The following DNAH8 variants were observed in gnomAD, a reference collection of about 807,000 sequenced individuals.
The protein encoded by DNAH8 is dynein axonemal heavy chain 8.
Under a neutral mutation model 562.1 loss-of-function variants are expected in DNAH8, and 382 were observed. That is an observed-to-expected ratio of 0.68 (90% CI 0.63 to 0.74). DNAH8 has a LOEUF of 0.74. Ranked by LOEUF, DNAH8 falls within the 30% of genes least tolerant of loss-of-function variation. The pLI, the probability that DNAH8 is intolerant of heterozygous loss-of-function variation, is 0.00. For missense variants in DNAH8, 5,203 were observed against 5,620.4 expected (o/e 0.93, Z 2.37); for synonymous variants, 1,881 against 1,919.4 (o/e 0.98, Z 0.52).
chr6:38,870,637 ATAGT>A (rs779607439), intron 49 of DNAH8, 75 bp downstream of exon 49: 203 of 1,385,052 alleles, frequency 1.5e-4, no homozygotes, highest in Non-Finnish European at 1.9e-4. Flanking sequence ...AGAAAAACTC[ATAGT>A]TAGTCTTACT....
chr6:38,731,261 T>C (rs1631117), intron 4 of DNAH8, among the ~76,000 whole-genome samples: 143,073 of 152,308 alleles, frequency 0.94, 67,254 homozygotes, highest in East Asian at 1. Flanking sequence ...AAAATACAGT[T>C]CCACTCAGTT....
intron 88 of DNAH8, among the ~76,000 whole-genome samples, chr6:39,008,536 AG>A (rs538607675): frequency 4.8e-4 from 73 of 152,260 alleles, no homozygotes; most frequent in African/African-American, 1.7e-3. Flanking sequence ...AAGATGGTGA[AG>A]AAGCGATTTG....
chr6:38,963,253 CTTTTTTTTTTTTTT>C (rs57083753), intron 82 of DNAH8, among the ~76,000 whole-genome samples: 1 of 102,614 alleles, frequency 9.7e-6, no homozygotes, highest in East Asian at 3.2e-4. Flanking sequence ...AGTCCTTTTT[CTTTTTTTTTTTTTT>C]TTTTTTTTTT....
chr6:38,771,657 T>A (rs1190637086), intron 12 of DNAH8, among the ~76,000 whole-genome samples: 1 of 152,228 alleles, frequency 6.6e-6, no homozygotes, highest in Non-Finnish European at 1.5e-5. Flanking sequence ...TGTGGTCTTT[T>A]GTGGCTACTT....
At chr6:39,002,415 A>G (rs1765548887) in intron 88 of DNAH8, among the ~76,000 whole-genome samples, 1 of 152,196 alleles carries the variant, frequency 6.6e-6, no homozygotes, top group South Asian at 2.1e-4. Flanking sequence ...TTGTTGTCTC[A>G]TCAGCTATTT....
chr6:38,960,020 T>A (rs1762504538), intron 82 of DNAH8, among the ~76,000 whole-genome samples: 1 of 151,938 alleles, frequency 6.6e-6, no homozygotes, highest in African/African-American at 2.4e-5. Context: ...TGAGGAAAGA[T>A]CAATCTTTTC....
At chr6:39,030,066 A>T (rs771088185) in intron 92 of DNAH8, 39 bp from the exon 93 acceptor site, 23 of 1,551,946 alleles carry the variant, frequency 1.5e-5, no homozygotes, top group Middle Eastern at 3.4e-4. Context: ...CACCTAGTTT[A>T]AAAAATAAAT....
At chr6:38,789,001 A>G (rs1769446958) in intron 18 of DNAH8, among the ~76,000 whole-genome samples, 1 of 152,170 alleles carries the variant, frequency 6.6e-6, no homozygotes, top group Non-Finnish European at 1.5e-5. Flanking sequence ...GCCATGCATG[A>G]GCTTTTTTAC....
At chr6:38,732,538 C>G (rs1238702568) in intron 4 of DNAH8, among the ~76,000 whole-genome samples, 1 of 152,136 alleles carries the variant, frequency 6.6e-6, no homozygotes, top group African/African-American at 2.4e-5. Flanking sequence ...GAGTGGAAAG[C>G]AGTGTTTCGG....
intron 53 of DNAH8, among the ~76,000 whole-genome samples, chr6:38,877,903 A>G (rs1778153135): frequency 6.6e-6 from 1 of 152,236 alleles, no homozygotes; most frequent in Admixed American, 6.5e-5. Flanking sequence ...CACCGAGGGA[A>G]GTGAAACAAG....
chr6:38,883,466 A>T lies in DNAH8; in HGVS notation c.8136+10A>T. 1.2e-6 allele frequency: 2 copies of T among 1,604,284 alleles called. No individual in the cohort carries two copies. Among genetic ancestry groups the T allele is most frequent in the Non-Finnish European group, 1.7e-6 (2 of 1,176,086 alleles). On this transcript the variant is annotated intron_variant, in intron 55 of 92. Coordinates refer to ENST00000327475, the MANE Select transcript of DNAH8 (RefSeq NM_001206927.2). ...ACCAATGATGTTTCAGGTGAAATCC[A>T]TCATTTGCTGTAATATTATAAACAT...
intron 61 of DNAH8, among the ~76,000 whole-genome samples, chr6:38,898,605 G>A (rs775291533): frequency 2.6e-5 from 4 of 152,146 alleles, no homozygotes; most frequent in Non-Finnish European, 4.4e-5. Flanking sequence ...CAAATAGATG[G>A]TTTTCTGTTC....
At chr6:38,896,264 C>T in intron 60 of DNAH8, 39 bp downstream of exon 60, 1 of 1,503,970 alleles carries the variant, frequency 6.6e-7, no homozygotes, top group Non-Finnish European at 9.2e-7. Context: ...TTTCAGATTG[C>T]TCACCTGACT....
At chr6:38,853,712 T>C (rs1180651102) in intron 41 of DNAH8, among the ~76,000 whole-genome samples, 3 of 152,020 alleles carry the variant, frequency 2.0e-5, no homozygotes, top group African/African-American at 7.3e-5. Flanking sequence ...AAAATATCAT[T>C]AACCAAAAAT....
At chr6:38,996,575 A>G (rs1202824905) in intron 88 of DNAH8, among the ~76,000 whole-genome samples, 2 of 152,208 alleles carry the variant, frequency 1.3e-5, no homozygotes, top group Admixed American at 1.3e-4. Flanking sequence ...TAGAGCACCC[A>G]TGATGACTAA....
chr6:38,819,693 C>T (rs1772639454), intron 26 of DNAH8, among the ~76,000 whole-genome samples: 1 of 152,016 alleles, frequency 6.6e-6, no homozygotes, highest in East Asian at 1.9e-4. Flanking sequence ...GAGAGGAAGA[C>T]TGAGATTGTC....
chr6:38,892,582 C>G (rs1779413105), intron 58 of DNAH8, among the ~76,000 whole-genome samples: 1 of 152,168 alleles, frequency 6.6e-6, no homozygotes, highest in African/African-American at 2.4e-5. Context: ...CACCATCCCC[C>G]CGTGACCACC....
chr6:38,805,510 G>C lies in DNAH8; in HGVS notation c.3064G>C (p.Glu1022Gln). The C allele has an allele frequency of 6.2e-7, 1 of 1,610,222 alleles. No individual in the cohort carries two copies. The highest frequency in any genetic ancestry group is 2.2e-5 in the East Asian group (1 of 44,730). Reference protein sequence around the residue: ...EQRKHVVFGSETGEGENNDYE... With the variant: ...EQRKHVVFGSQTGEGENNDYE... The stretch of plus-strand genomic sequence containing the variant: ...GCGGAAACACGTTGTTTTTGGAAGT[G>C]AAACAGGAGAGGGTGAAAACAATGA... The change falls in exon 23 of 93, where the codon GAA (glutamate) becomes CAA (glutamine). Residue 1022 changes from glutamate (E) to glutamine (Q), a missense_variant. By Grantham distance (29) the Glu-to-Gln change is conservative. Transcript: ENST00000327475.
rs983306230 is a variant in DNAH8 at position 38,829,291 on chromosome 6, C to T, written c.4188+1003C>T. ...TTTTCTCTTCTGTGGGTTATCTTTT[C>T]GCTTTATTGATGGTGTCTTTTGATG... On this transcript the variant is annotated intron_variant, in intron 30 of 92. Transcript: ENST00000327475. 6.6e-5 allele frequency among the ~76,000 whole-genome samples: 10 copies of T among 152,076 alleles called. No homozygotes were observed. In the East Asian group the frequency reaches 1.2e-3, roughly 18 times the overall value.
Sources: allele counts gnomAD v4.1 joint callset (sites outside exome capture counted in the v4.1 genomes callset), GRCh38; gene constraint gnomAD v4.1.1; transcripts MANE v1.5; gene names NCBI Gene and HGNC (gene_info 2026-07-23, HGNC 2026-07-21).